The following NRG1 variants were observed in gnomAD, a reference collection of about 807,000 sequenced individuals.
NRG1 encodes neuregulin 1, also known as pro-neuregulin-1, membrane-bound isoform.
In NRG1, 18 loss-of-function variants were observed where a neutral mutation model predicts 63.8. The observed-to-expected ratio is 0.28, with a 90% CI of 0.19 to 0.42. NRG1 has a LOEUF of 0.42. Among genes scored for constraint, NRG1 ranks in the 10% least tolerant of loss-of-function variants. The pLI, the probability that NRG1 is intolerant of heterozygous loss-of-function variation, is 1.00. For missense variants in NRG1, 762 were observed against 814.7 expected (o/e 0.94, Z 0.79); for synonymous variants, 302 against 301.3 (o/e 1.00, Z -0.02).
At chr8:32,258,257 A>G (rs1355593102) in intron 1 of NRG1, among the ~76,000 whole-genome samples, 1 of 152,202 alleles carries the variant, frequency 6.6e-6, no homozygotes, top group Non-Finnish European at 1.5e-5. Context: ...ATTCTGAAAT[A>G]GCTTTTCACA....
chr8:31,907,073 G>GT (rs1231424977), intron 1 of NRG1, among the ~76,000 whole-genome samples: 1 of 152,124 alleles, frequency 6.6e-6, no homozygotes, highest in Admixed American at 6.5e-5. Flanking sequence ...TATTTGCGGT[G>GT]TTTTGGGGCC....
At chr8:32,620,111 A>G (rs1173099983) in intron 5 of NRG1, among the ~76,000 whole-genome samples, 1 of 152,234 alleles carries the variant, frequency 6.6e-6, no homozygotes, top group African/African-American at 2.4e-5. Context: ...GCCAAACTCA[A>G]AAATGCCAAA....
chr8:31,717,412 TAAAAAAAAA>T (rs34835652), intron 1 of NRG1, among the ~76,000 whole-genome samples: 2 of 126,328 alleles, frequency 1.6e-5, no homozygotes, highest in African/African-American at 6.0e-5. Context: ...ATCTCGACAT[TAAAAAAAAA>T]AAAAAAAAGA....
chr8:31,651,972 A>G (rs1804892390), intron 1 of NRG1, among the ~76,000 whole-genome samples: 1 of 152,178 alleles, frequency 6.6e-6, no homozygotes, highest in Non-Finnish European at 1.5e-5. Flanking sequence ...TTTATGTGAA[A>G]TATTTTAACC....
At chr8:32,497,578 C>G (rs1262597266) in intron 1 of NRG1, among the ~76,000 whole-genome samples, 1 of 151,976 alleles carries the variant, frequency 6.6e-6, no homozygotes, top group Non-Finnish European at 1.5e-5. Context: ...GGCATTGGGG[C>G]CACAGAAGTC....
Position 32,193,437 on chromosome 8 carries a change from A to G in NRG1, c.38-402391A>G, listed in dbSNP as rs564798909. Reference sequence around the variant, plus strand: ...GAAATGAAAAATAATGCCTGCTACAATCAACTTTTAATTATCTACACTAAT... The same window carrying G: ...GAAATGAAAAATAATGCCTGCTACAGTCAACTTTTAATTATCTACACTAAT... On this transcript the variant is annotated intron_variant, in intron 1 of 10. Transcript: ENST00000519301. Among the ~76,000 whole-genome samples the G allele has an allele frequency of 9.9e-5, 15 of 152,180 alleles. No homozygotes were observed. The East Asian group carries it at 2.9e-3, about 29-fold the overall frequency.
At chr8:32,618,090 A>G (rs1417981226) in intron 5 of NRG1, among the ~76,000 whole-genome samples, 1 of 152,128 alleles carries the variant, frequency 6.6e-6, no homozygotes, top group Non-Finnish European at 1.5e-5. Flanking sequence ...ATCCTCCAAA[A>G]TGATAATTTC....
chr8:32,589,088 G>A (rs911201458), intron 1 of NRG1, among the ~76,000 whole-genome samples: 1 of 152,178 alleles, frequency 6.6e-6, no homozygotes, highest in Non-Finnish European at 1.5e-5. Flanking sequence ...GCTGCATTCC[G>A]AAATACCATT....
intron 1 of NRG1, among the ~76,000 whole-genome samples, chr8:32,185,759 T>G (rs1841906289): frequency 6.6e-6 from 1 of 152,180 alleles, no homozygotes; most frequent in Non-Finnish European, 1.5e-5. Context: ...ATCTCACCAG[T>G]GAAAACCCAT....
chr8:31,924,640 A>G (rs1374984535), intron 1 of NRG1, among the ~76,000 whole-genome samples: 6 of 106,976 alleles, frequency 5.6e-5, no homozygotes, highest in African/African-American at 1.8e-4. Context: ...ACTTTTTCTC[A>G]TTTCTATTTC....
chr8:32,288,068 G>T (rs1853749758), intron 1 of NRG1, among the ~76,000 whole-genome samples: 1 of 152,158 alleles, frequency 6.6e-6, no homozygotes, highest in Non-Finnish European at 1.5e-5. Flanking sequence ...TAAGAAAAAA[G>T]TGCATTGCCA....
chr8:32,354,712 G>GTAAATAAATAAA lies in NRG1; in HGVS notation c.38-241086_38-241075dup, dbSNP rs10569340. Among the ~76,000 whole-genome samples, 51 of 142,500 alleles carry GTAAATAAATAAA rather than the reference G, an allele frequency of 3.6e-4. 1 individual carries two copies. Among genetic ancestry groups the GTAAATAAATAAA allele is most frequent in the Admixed American group, 2.1e-3 (30 of 14,228 alleles). The allele number at this position is 142,500 out of a possible 152,430, so 93.5% of individuals were successfully genotyped here. On this transcript the variant is annotated intron_variant, in intron 1 of 10. Coordinates refer to the NRG1 transcript ENST00000519301. ...GAGACATAGCAAGATCTTGTCTCTA[G>GTAAATAAATAAA]TAAATAAATAAATAAATAAATAAAT...
At chr8:32,461,340 C>T (rs1349784616) in intron 1 of NRG1, among the ~76,000 whole-genome samples, 1 of 152,074 alleles carries the variant, frequency 6.6e-6, no homozygotes, top group Non-Finnish European at 1.5e-5. Context: ...CTAAAACGGC[C>T]TATTATACTA....
chr8:32,369,519 A>G, intron 1 of NRG1, among the ~76,000 whole-genome samples: 1 of 152,246 alleles, frequency 6.6e-6, no homozygotes. Flanking sequence ...GCTCACAGCG[A>G]ACGTGGTGTG....
At chr8:32,090,226 G>A (rs954025096) in intron 1 of NRG1, among the ~76,000 whole-genome samples, 1 of 152,122 alleles carries the variant, frequency 6.6e-6, no homozygotes, top group African/African-American at 2.4e-5. Flanking sequence ...GTAAGTTAGC[G>A]CTCAGGAAAT....
intron 1 of NRG1, among the ~76,000 whole-genome samples, chr8:31,969,547 C>G (rs1806932442): frequency 6.6e-6 from 1 of 152,148 alleles, no homozygotes; most frequent in African/African-American, 2.4e-5. Flanking sequence ...AAATATTGCT[C>G]TTGCCTTCCT....
chr8:32,083,492 T>TTTATCTCAAATCCCAACCTTATC (rs1400713087), intron 1 of NRG1, among the ~76,000 whole-genome samples: 1 of 152,118 alleles, frequency 6.6e-6, no homozygotes, highest in Non-Finnish European at 1.5e-5. Flanking sequence ...TGTGGCATAT[T>TTTATCTCAAATCCCAACCTTATC]TTATCTCAAA....
Position 31,640,176 on chromosome 8 carries a change from G to A in NRG1, c.37+745G>A. 2 of 1,185,982 alleles carry A rather than the reference G, an allele frequency of 1.7e-6. No individual in the cohort carries two copies. The highest frequency in any genetic ancestry group is 3.5e-5 in the South Asian group (1 of 28,692). The allele number at this position is 1,185,982 out of a possible 1,614,324, so 73.5% of individuals were successfully genotyped here. On this transcript the variant is annotated intron_variant, in intron 1 of 10. Coordinates refer to the NRG1 transcript ENST00000519301. The surrounding 1 kb of genome is among the most constrained non-coding windows in gnomAD (Gnocchi z 6.3). ...CCGCGGGGGCCTCGGTGTGCTACTC[G>A]TCCCCGCCCAGCGTGGGATCGGTGC...
intron 1 of NRG1, among the ~76,000 whole-genome samples, chr8:32,046,380 T>G (rs536845226): frequency 2.6e-5 from 4 of 152,128 alleles, no homozygotes; most frequent in Non-Finnish European, 5.9e-5. Flanking sequence ...GCTTGAAAAA[T>G]GGGTTGGCAA....
Sources: allele counts gnomAD v4.1 joint callset (sites outside exome capture counted in the v4.1 genomes callset), GRCh38; gene constraint gnomAD v4.1.1; non-coding constraint Gnocchi (gnomAD v3.1); transcripts MANE v1.5; gene names NCBI Gene and HGNC (gene_info 2026-07-23, HGNC 2026-07-21).